Variants in CD300LG observed in about 807,000 individuals in gnomAD.
CD300LG encodes the protein CMRF35-like molecule 9.
Under a neutral mutation model 31.5 loss-of-function variants are expected in CD300LG, and 29 were observed. The observed-to-expected ratio is 0.92, with a 90% CI of 0.68 to 1.25. The LOEUF (loss-of-function observed/expected upper bound fraction) is 1.25. Ranked by LOEUF, CD300LG falls within the 50% of genes most tolerant of loss-of-function variation. The pLI is 0.00. For synonymous variants in CD300LG, 175 were observed against 177.2 expected (o/e 0.99, Z 0.10); for missense variants, 396 against 417.6 (o/e 0.95, Z 0.45).
chr17:43,851,178 G>T (rs2046343884), intron 2 of CD300LG, among the ~76,000 whole-genome samples: 1 of 149,032 alleles, frequency 6.7e-6, no homozygotes, highest in South Asian at 2.1e-4. Context: ...ATAAATGTTG[G>T]AAAGGAAAAG....
At chr17:43,861,395 C>T (rs1016458678) in intron 6 of CD300LG, 1 of 572,200 alleles carries the variant, frequency 1.7e-6, no homozygotes, top group African/African-American at 2.0e-5. Context: ...TACCCACCTT[C>T]CCCATTCACA....
At chr17:43,849,243 C>T (rs955001649) in intron 2 of CD300LG, 2 of 423,790 alleles carry the variant, frequency 4.7e-6, no homozygotes, top group Admixed American at 3.9e-5. Context: ...GAAGACTCCT[C>T]GCCTGGTGTC....
chr17:43,847,765 C>A (rs761298834), intron 1 of CD300LG, among the ~76,000 whole-genome samples: 6 of 152,010 alleles, frequency 3.9e-5, no homozygotes, highest in Non-Finnish European at 8.8e-5. Context: ...TAGTGAGACC[C>A]CATCTCTACA....
intron 6 of CD300LG, chr17:43,857,841 G>A (rs2046569671): frequency 1.3e-6 from 2 of 1,537,264 alleles, no homozygotes; most frequent in Non-Finnish European, 1.7e-6. Flanking sequence ...CCAAGGTGGT[G>A]TGGCTGCTCT....
chr17:43,861,288 G>A, intron 6 of CD300LG: 1 of 985,358 alleles, frequency 1.0e-6, no homozygotes, highest in South Asian at 4.7e-5. Flanking sequence ...GGGAGGGGCT[G>A]AGGAGCCACC....
chr17:43,854,181 GT>G, intron 4 of CD300LG, 137 bp downstream of exon 4: 1 of 676,276 alleles, frequency 1.5e-6, no homozygotes, highest in Non-Finnish European at 2.5e-6. Flanking sequence ...AGCACAGAGA[GT>G]CCCTCACAGG....
At chr17:43,860,269 A>C (rs2046625135) in intron 6 of CD300LG, among the ~76,000 whole-genome samples, 1 of 152,230 alleles carries the variant, frequency 6.6e-6, no homozygotes, top group Admixed American at 6.5e-5. Flanking sequence ...CAGCTGTGTG[A>C]TGTCAAGCAG....
chr17:43,851,622 T>G (rs1196036055), intron 2 of CD300LG, among the ~76,000 whole-genome samples: 1 of 145,824 alleles, frequency 6.9e-6, no homozygotes, highest in Non-Finnish European at 1.5e-5. Context: ...CCCACTGTGC[T>G]GGGCACAGAG....
chr17:43,857,868 G>T (rs1355502039), intron 6 of CD300LG: 3 of 1,537,178 alleles, frequency 2.0e-6, no homozygotes, highest in Non-Finnish European at 2.6e-6. Flanking sequence ...CAGGCTGAGG[G>T]TGGTGCTCTG....
intron 4 of CD300LG, among the ~76,000 whole-genome samples, chr17:43,854,724 G>A (rs1297588906): frequency 2.0e-5 from 3 of 152,072 alleles, no homozygotes; most frequent in Non-Finnish European, 2.9e-5. Context: ...ATGACCTAAC[G>A]AGTCGCTCAT....
At chr17:43,857,994 A>C (rs2046574029) in intron 6 of CD300LG, 1 of 1,482,032 alleles carries the variant, frequency 6.7e-7, no homozygotes, top group Non-Finnish European at 8.9e-7. Context: ...ACTCCAACGG[A>C]GGGGGCTGCA....
chr17:43,855,895 A>C (rs1458039225), intron 5 of CD300LG: 1 of 152,280 alleles, frequency 6.6e-6, no homozygotes, highest in Non-Finnish European at 1.5e-5. Flanking sequence ...AGCCACATGA[A>C]AAAAAGTAAA....
At chr17:43,847,356 ATCCTCAGCC>A in intron 1 of CD300LG, 97 bp downstream of exon 1, 1 of 1,287,152 alleles carries the variant, frequency 7.8e-7, no homozygotes, top group Non-Finnish European at 1.1e-6. Context: ...CACCCCACCT[ATCCTCAGCC>A]TCCTCAGCCC....
chr17:43,855,516 G>A, intron 5 of CD300LG, 197 bp downstream of exon 5: 1 of 461,636 alleles, frequency 2.2e-6, no homozygotes. Context: ...ATTCACAAGG[G>A]GAAATGGGAG....
At position 43,863,030 on chromosome 17, in the gene CD300LG, A is replaced by G. The variant is rs1185446540; in HGVS notation, c.*1119A>G. 1 of 152,098 alleles carries G rather than the reference A, an allele frequency of 6.6e-6. No homozygotes were observed. The highest frequency in any genetic ancestry group is 1.9e-4 in the East Asian group (1 of 5,168). The allele number at this position is 152,098 out of a possible 1,614,324, so 9.4% of individuals were successfully genotyped here. A position where few individuals can be genotyped will look rare whatever the true frequency, so the allele number is the denominator to read the frequency against. ...CAACTACTATTTTTTTTCTTTTTCC[A>G]TTATTATTGTTTTTTAAGACAGAAT... On this transcript the variant is annotated 3_prime_UTR_variant, in exon 7 of 7. Transcript: ENST00000317310.
intron 6 of CD300LG, among the ~76,000 whole-genome samples, chr17:43,860,410 A>G (rs2046627190): frequency 6.6e-6 from 1 of 152,256 alleles, no homozygotes; most frequent in Non-Finnish European, 1.5e-5. Flanking sequence ...CCATTTGGCC[A>G]TGGGATTCAC....
intron 6 of CD300LG, chr17:43,858,015 T>A (rs1254622428): frequency 1.4e-6 from 2 of 1,460,600 alleles, no homozygotes; most frequent in South Asian, 2.8e-5. Flanking sequence ...GCATCGCACT[T>A]CAGGCAACAG....
Position 43,857,613 on chromosome 17 carries a change from A to G in CD300LG, c.885+457A>G, listed in dbSNP as rs2046562477. On this transcript the variant is annotated intron_variant, in intron 6 of 6. Transcript: ENST00000317310. ...TCTCCAGGGCCCCAGACCCAGCTGA[A>G]CCCTCCAGGGGTGGGGTCCAGGGAC... 2.6e-6 allele frequency: 3 copies of G among 1,144,240 alleles called. No homozygotes were observed. In the African/African-American group the frequency reaches 4.6e-5, roughly 18 times the overall value. The allele number at this position is 1,144,240 out of a possible 1,614,324, so 70.9% of individuals were successfully genotyped here.
At chr17:43,861,769 C>A in intron 6 of CD300LG, 29 bp from the exon 7 acceptor site, 1 of 1,470,480 alleles carries the variant, frequency 6.8e-7, no homozygotes, top group South Asian at 1.3e-5. Flanking sequence ...CTGGGTTCTG[C>A]TCTCCAAACC....
Sources: allele counts gnomAD v4.1 joint callset (sites outside exome capture counted in the v4.1 genomes callset), GRCh38; gene constraint gnomAD v4.1.1; transcripts MANE v1.5; gene names NCBI Gene and HGNC (gene_info 2026-07-23, HGNC 2026-07-21).